Variants in PRKN observed in about 807,000 individuals in gnomAD.
PRKN encodes parkin RBR E3 ubiquitin protein ligase.
Under a neutral mutation model 59.5 loss-of-function variants are expected in PRKN, and 56 were observed. The observed-to-expected ratio is 0.94, with a 90% CI of 0.76 to 1.18. The LOEUF is 1.18. Ranked by LOEUF, PRKN falls within the 50% of genes most tolerant of loss-of-function variation. PRKN has a pLI of 0.00. For missense variants in PRKN, 657 were observed against 596.4 expected (o/e 1.10, Z -1.06); for synonymous variants, 250 against 222.1 (o/e 1.13, Z -1.12).
In PRKN at chr6:161,963,888, A is replaced by G. The variant is rs538121028; in HGVS notation, c.734+9414T>C. On this transcript the variant is annotated intron_variant, in intron 6 of 11. Coordinates refer to ENST00000366898, the MANE Select transcript of PRKN (RefSeq NM_004562.3). ...TCAATTTGGGTCTTGCCCTGCAAGCAGCCTGCAATTTTGCAGAGCAGCAGA... is the reference window on the plus strand; with the variant it reads ...TCAATTTGGGTCTTGCCCTGCAAGCGGCCTGCAATTTTGCAGAGCAGCAGA... Among the ~76,000 whole-genome samples, 148 of 152,350 alleles carry G rather than the reference A, an allele frequency of 9.7e-4. 2 individuals are homozygous for G. Among genetic ancestry groups the G allele is most frequent in the Non-Finnish European group, 1.7e-3 (119 of 68,038 alleles).
At chr6:162,698,291 T>C (rs1423812816) in intron 1 of PRKN, among the ~76,000 whole-genome samples, 1 of 88,188 alleles carries the variant, frequency 1.1e-5, no homozygotes, top group Non-Finnish European at 2.4e-5. Flanking sequence ...TTTTAACCAC[T>C]ACACTTCCCA....
intron 1 of PRKN, among the ~76,000 whole-genome samples, chr6:162,561,374 A>T (rs921369694): frequency 6.9e-6 from 1 of 143,932 alleles, no homozygotes; most frequent in Non-Finnish European, 1.5e-5. Context: ...TTTAAAAGAT[A>T]ATCTAGTGAG....
At position 162,384,863 on chromosome 6, in the gene PRKN, A is replaced by G. The variant is rs149673937; in HGVS notation, c.171+58447T>C. Among the ~76,000 whole-genome samples, 14 of 152,234 alleles carry G rather than the reference A, an allele frequency of 9.2e-5. 1 individual carries two copies. The East Asian group carries it at 2.7e-3, about 29-fold the overall frequency. ...AGAAATGATTTGTTTAAGGAAGTAG[A>G]GTAAGTAGGCATCAGAGGCAGCATT... On this transcript the variant is annotated intron_variant, in intron 2 of 11. Transcript: ENST00000366898.
At position 161,439,458 on chromosome 6, in the gene PRKN, T is replaced by A. The variant is rs180833788; in HGVS notation, c.1084-52581A>T. Among the ~76,000 whole-genome samples, 134 of 152,272 alleles carry A rather than the reference T, an allele frequency of 8.8e-4. 3 individuals are homozygous for A. The highest frequency in any genetic ancestry group is 8.8e-3 in the Admixed American group (134 of 15,298). On this transcript the variant is annotated intron_variant, in intron 9 of 11. Coordinates refer to ENST00000366898, the MANE Select transcript of PRKN (RefSeq NM_004562.3). ...TAAGTACGAATGCAAATAGGCCGGA[T>A]AAATGGCAGTGTGCAATCACCCAAA...
At chr6:161,698,423 C>G (rs912672412) in intron 7 of PRKN, among the ~76,000 whole-genome samples, 1 of 152,060 alleles carries the variant, frequency 6.6e-6, no homozygotes, top group African/African-American at 2.4e-5. Context: ...GTCTAAGAAA[C>G]CACAGTAGTT....
intron 8 of PRKN, among the ~76,000 whole-genome samples, chr6:161,556,489 C>T (rs1000837729): frequency 2.6e-5 from 4 of 152,250 alleles, no homozygotes; most frequent in African/African-American, 7.2e-5. Flanking sequence ...TACTAAGTTA[C>T]CTTCGAGATA....
At chr6:161,801,423 A>G (rs1457039002) in intron 6 of PRKN, among the ~76,000 whole-genome samples, 1 of 152,212 alleles carries the variant, frequency 6.6e-6, no homozygotes, top group Non-Finnish European at 1.5e-5. Context: ...CCATCCATGG[A>G]GAGATGGCAA....
intron 2 of PRKN, among the ~76,000 whole-genome samples, chr6:162,428,197 G>C (rs1264117854): frequency 6.6e-6 from 1 of 152,160 alleles, no homozygotes; most frequent in South Asian, 2.1e-4. Flanking sequence ...ACTTGCAAAA[G>C]AACAAGCATG....
rs749251366 is a variant in PRKN at position 161,480,487 on chromosome 6, CAG to C, written c.1083+68365_1083+68366del. On this transcript the variant is annotated intron_variant, in intron 9 of 11. Coordinates refer to ENST00000366898, the MANE Select transcript of PRKN (RefSeq NM_004562.3). This position sits in a 1 kb window ranked among gnomAD's most constrained non-coding sequence, Gnocchi z 4.1. The stretch of plus-strand genomic sequence containing the variant: ...AGCTTAAACAGCTTGCTTAAAATAG[CAG>C]ACTCACAAAATGCCAGAAGCGAGAG... 7.2e-5 allele frequency among the ~76,000 whole-genome samples: 11 copies of C among 152,310 alleles called. No individual in the cohort carries two copies. Among genetic ancestry groups the C allele is most frequent in the Admixed American group, 2.0e-4 (3 of 15,306 alleles).
At chr6:161,481,924 G>A (rs1487582281) in intron 9 of PRKN, among the ~76,000 whole-genome samples, 9 of 146,480 alleles carry the variant, frequency 6.1e-5, no homozygotes, top group Admixed American at 4.8e-4. Context: ...AGGGAGGGGG[G>A]AAGCCAAAAG....
chr6:162,024,577 A>G (rs1046216385), intron 5 of PRKN, among the ~76,000 whole-genome samples: 1 of 152,212 alleles, frequency 6.6e-6, no homozygotes, highest in African/African-American at 2.4e-5. Context: ...CTCCTTAAAG[A>G]GATCTTTCAT....
intron 1 of PRKN, among the ~76,000 whole-genome samples, chr6:162,555,532 A>C (rs1779524800): frequency 6.6e-6 from 1 of 152,150 alleles, no homozygotes; most frequent in Non-Finnish European, 1.5e-5. Flanking sequence ...CATTTAACAA[A>C]AACACTGTTG....
At chr6:162,044,857 C>A (rs559148678) in intron 5 of PRKN, among the ~76,000 whole-genome samples, 2 of 152,150 alleles carry the variant, frequency 1.3e-5, no homozygotes, top group African/African-American at 4.8e-5. Flanking sequence ...ACTTTCTATG[C>A]GTGTTTCACA....
At chr6:162,708,026 T>A (rs1196571367) in intron 1 of PRKN, among the ~76,000 whole-genome samples, 1 of 152,246 alleles carries the variant, frequency 6.6e-6, no homozygotes, top group Non-Finnish European at 1.5e-5. Context: ...TTTCACTTTT[T>A]TGTGTAACAC....
intron 2 of PRKN, among the ~76,000 whole-genome samples, chr6:162,306,240 C>T (rs1270665009): frequency 6.6e-6 from 1 of 152,140 alleles, no homozygotes; most frequent in African/African-American, 2.4e-5. Context: ...GATGGCCTGA[C>T]TGAGGGTGTC....
intron 7 of PRKN, among the ~76,000 whole-genome samples, chr6:161,745,862 T>C (rs1788392999): frequency 6.6e-6 from 1 of 152,216 alleles, no homozygotes; most frequent in Admixed American, 6.5e-5. Flanking sequence ...TGTATTCAAT[T>C]AGGACTGTAA....
rs77832435 is a variant in PRKN, at chr6:162,136,497, C to A, written c.534+64634G>T. 8.9e-4 allele frequency among the ~76,000 whole-genome samples: 136 copies of A among 152,266 alleles called. 2 individuals carry two copies. In the East Asian group the frequency reaches 0.018, roughly 21 times the overall value. On this transcript the variant is annotated intron_variant, in intron 4 of 11. Transcript: ENST00000366898. ...CGATATGTGTTGGCTTCCAAGCCAT[C>A]AGTTATGGGTTTAAATTTGGAATCT...
At chr6:161,403,935 C>G (rs1283558486) in intron 9 of PRKN, among the ~76,000 whole-genome samples, 1 of 152,150 alleles carries the variant, frequency 6.6e-6, no homozygotes, top group Non-Finnish European at 1.5e-5. Context: ...CAGCATCATG[C>G]TCTTGGACTT....
At chr6:161,912,032 C>G (rs1283502528) in intron 6 of PRKN, among the ~76,000 whole-genome samples, 2 of 151,640 alleles carry the variant, frequency 1.3e-5, no homozygotes, top group Non-Finnish European at 2.9e-5. Flanking sequence ...ACAAAAATTA[C>G]CCGGGTGTGA....
Sources: gnomAD v4.1 joint callset for allele counts (sites outside exome capture counted in the v4.1 genomes callset) on GRCh38, gnomAD v4.1.1 for gene constraint, Gnocchi (gnomAD v3.1) non-coding constraint, MANE v1.5 for transcripts, NCBI Gene and HGNC (gene_info 2026-07-23, HGNC 2026-07-21) for gene names.